THBS3: variants seen among roughly 807,000 people sequenced by gnomAD.
THBS3 encodes the protein thrombospondin 3.
Under a neutral mutation model 118.3 loss-of-function variants are expected in THBS3, and 78 were observed. The observed-to-expected ratio is 0.66, with a 90% CI of 0.55 to 0.80. THBS3 has a LOEUF of 0.80. Among genes scored for constraint, THBS3 ranks in the 30% least tolerant of loss-of-function variants. THBS3 has a pLI of 0.00. For synonymous variants in THBS3, 427 were observed against 475.3 expected (o/e 0.90, Z 1.32); for missense variants, 1,057 against 1,247.4 (o/e 0.85, Z 2.30).
rs1337052564 is a variant in THBS3 at position 155,198,055 on chromosome 1, AC to A, written c.2239del (p.Val747LeufsTer13). 1 of 1,614,084 alleles carries A rather than the reference AC, an allele frequency of 6.2e-7. No individual in the cohort carries two copies. Among genetic ancestry groups the A allele is most frequent in the Non-Finnish European group, 8.5e-7 (1 of 1,180,020 alleles). ...EGDAQIDPNW[V>X]VLNQGMEIVQ... ...GCCCCGAGTTACCTGGTTGAGCACA[AC>A]CCAGTTTGGGTCAATCTGAGCATCA... On this transcript the variant is annotated frameshift_variant, in exon 18 of 23. Coordinates refer to ENST00000368378, the MANE Select transcript of THBS3 (RefSeq NM_007112.5). LOFTEE classifies it high-confidence loss of function.
chr1:155,196,236 G>A, intron 21 of THBS3, 110 bp from the exon 22 acceptor site: 1 of 1,303,258 alleles, frequency 7.7e-7, no homozygotes, highest in Non-Finnish European at 1.1e-6. Context: ...AGCTCACCAG[G>A]CCTGAGAGAG....
chr1:155,200,305 G>A, intron 14 of THBS3, 146 bp downstream of exon 14: 1 of 1,085,516 alleles, frequency 9.2e-7, no homozygotes, highest in South Asian at 1.5e-5. Flanking sequence ...ATTGACATCT[G>A]CTGCAGGTAA....
chr1:155,198,756 G>T, intron 16 of THBS3, 154 bp from the exon 17 acceptor site: 1 of 647,466 alleles, frequency 1.5e-6, no homozygotes. Context: ...AGGAATGGAG[G>T]GATGACTGTA....
chr1:155,195,704 G>C lies in THBS3; in HGVS notation c.*137C>G. ...GAAGGGTGGGGTGACCACCCCTCTG[G>C]GACTGAACTCCTTTTGGGAGCCAGA... On this transcript the variant is annotated 3_prime_UTR_variant, in exon 23 of 23. Transcript: ENST00000368378. The C allele has an allele frequency of 1.1e-6, 1 of 924,730 alleles. No individual in the cohort carries two copies. The highest frequency in any genetic ancestry group is 1.5e-5 in the South Asian group (1 of 65,232). The allele number at this position is 924,730 out of a possible 1,614,324, so 57.3% of individuals were successfully genotyped here.
intron 3 of THBS3, 22 bp downstream of exon 3, chr1:155,205,038 T>A: frequency 6.2e-7 from 1 of 1,612,950 alleles, no homozygotes; most frequent in Non-Finnish European, 8.5e-7. Context: ...TCCACAGAAC[T>A]CAGAGGCTCC....
At chr1:155,208,700 A>T, upstream of THBS3, 1 of 1,209,116 alleles carries the variant, frequency 8.3e-7, no homozygotes, top group Non-Finnish European at 1.1e-6. Flanking sequence ...CCCCCACCCA[A>T]GCCCCAGCCC....
At chr1:155,207,962 A>G, upstream of THBS3, 1 of 992,716 alleles carries the variant, frequency 1.0e-6, no homozygotes, top group South Asian at 1.4e-5. Flanking sequence ...CGGGGGGCGG[A>G]GGGACAGAAT....
upstream of THBS3, chr1:155,208,031 C>T: frequency 1.6e-6 from 1 of 624,074 alleles, no homozygotes; most frequent in Admixed American, 2.9e-5. Context: ...GCCAATCACC[C>T]TGGAGGCATC....
At chr1:155,200,394 C>T (rs572306440) in intron 14 of THBS3, 57 bp downstream of exon 14, 9 of 1,589,364 alleles carry the variant, frequency 5.7e-6, no homozygotes, top group Non-Finnish European at 7.7e-6. Flanking sequence ...GCTTCATCCC[C>T]ACCTGATCCA....
At position 155,206,299 on chromosome 1, in the gene THBS3, G is replaced by A. The variant is rs753048328; in HGVS notation, c.187C>T (p.Arg63Cys). The part of the protein sequence containing the change: ...AGDIYLLSTF[R>C]LPPKQGGVLF... ...ACACCACCCTGCTTGGGGGGCAGGC[G>A]GAAGGTGGATAAGAGGTAGATGTCC... Residue 63 changes from arginine (R) to cysteine (C), a missense_variant, in exon 2 of 23, where the codon CGC becomes TGC. Arg to Cys is a radical substitution (Grantham distance 180). Transcript: ENST00000368378. This position sits in a 1 kb window ranked among gnomAD's most constrained non-coding sequence, Gnocchi z 4.2. The A allele has an allele frequency of 3.9e-5, 63 of 1,614,064 alleles. No homozygotes were observed. The highest frequency in any genetic ancestry group is 6.7e-5 in the East Asian group (3 of 44,902).
chr1:155,199,980 AC>A lies in THBS3; in HGVS notation c.1827+14del. ...GTACCCTCATCCCTCCCCTGTCCTT[AC>A]CATCTCCCTGTACCTGGGTAGGATT... On this transcript the variant is annotated intron_variant, in intron 15 of 22. Transcript: ENST00000368378. The A allele has an allele frequency of 6.2e-7, 1 of 1,600,646 alleles. No homozygotes were observed. Among genetic ancestry groups the A allele is most frequent in the Non-Finnish European group, 8.5e-7 (1 of 1,172,554 alleles).
At chr1:155,196,907 G>T in intron 21 of THBS3, 134 bp downstream of exon 21, 1 of 810,158 alleles carries the variant, frequency 1.2e-6, no homozygotes, top group Non-Finnish European at 2.0e-6. Flanking sequence ...AGGTGCTTGT[G>T]TCCGTGGTGA....
At chr1:155,200,284 C>G in intron 14 of THBS3, 167 bp downstream of exon 14, 1 of 1,010,440 alleles carries the variant, frequency 9.9e-7, no homozygotes, top group South Asian at 1.6e-5. Context: ...TACGCCCTAC[C>G]TCACATTCCT....
At position 155,202,664 on chromosome 1, in the gene THBS3, C is replaced by A; in HGVS notation, c.957+148G>T. On this transcript the variant is annotated intron_variant, in intron 8 of 22. Coordinates refer to ENST00000368378, the MANE Select transcript of THBS3 (RefSeq NM_007112.5). This position sits in a 1 kb window ranked among gnomAD's most constrained non-coding sequence, Gnocchi z 5.5. ...TCAGTCTTTGCCCCAGGCCTTCTGT[C>A]TCTCCCATCTTGCATTTCTCTTGCC... 1 of 1,233,756 alleles carries A rather than the reference C, an allele frequency of 8.1e-7. No individual in the cohort carries two copies. 76.4% of individuals were successfully genotyped at this position (1,233,756 alleles called of 1,614,324 possible). A position where few individuals can be genotyped will look rare whatever the true frequency, so the allele number is the denominator to read the frequency against.
rs1257401797 is a variant in THBS3 at position 155,207,877 on chromosome 1, G to A, written c.-1C>T. ...CCCCCCGAAGTTCCTGCGTCTCCATGCCTCTCAGCCGGCTCACTACCCCTG... is the reference window on the plus strand; with the variant it reads ...CCCCCCGAAGTTCCTGCGTCTCCATACCTCTCAGCCGGCTCACTACCCCTG... On this transcript the variant is annotated 5_prime_UTR_variant, in exon 1 of 23. Coordinates refer to ENST00000368378, the MANE Select transcript of THBS3 (RefSeq NM_007112.5). The A allele has an allele frequency of 6.2e-7, 1 of 1,613,850 alleles. No individual in the cohort carries two copies. Among genetic ancestry groups the A allele is most frequent in the Admixed American group, 1.7e-5 (1 of 60,010 alleles).
intron 4 of THBS3, 82 bp downstream of exon 4, chr1:155,204,773 G>A (rs757019670): frequency 7.9e-7 from 1 of 1,269,834 alleles, no homozygotes; most frequent in South Asian, 1.2e-5. Flanking sequence ...GGGTTTTAAG[G>A]GAGAGGGAGA....
At chr1:155,207,982 G>T (rs1159167908), upstream of THBS3, 2 of 568,836 alleles carry the variant, frequency 3.5e-6, no homozygotes, top group East Asian at 6.4e-5. Flanking sequence ...TTGGAGGGGG[G>T]GCCAGCAGGC....
At chr1:155,196,817 A>G in intron 21 of THBS3, 1 of 564,044 alleles carries the variant, frequency 1.8e-6, no homozygotes, top group East Asian at 2.9e-5. Context: ...GGAGAACTGT[A>G]AAGGGCATCT....
chr1:155,206,734 C>CA lies in THBS3; in HGVS notation c.80-329dup, dbSNP rs1670604664. 6.6e-6 allele frequency among the ~76,000 whole-genome samples: 1 copy of CA among 152,098 alleles called. No homozygotes were observed. The highest frequency in any genetic ancestry group is 1.5e-5 in the Non-Finnish European group (1 of 68,006). Reference sequence around the variant, plus strand: ...GCGGGCACCTGTAATCCCAGCTACTCAGGAGGCTGAGGCAGGAGACTCGCT... The same window carrying CA: ...GCGGGCACCTGTAATCCCAGCTACTCAAGGAGGCTGAGGCAGGAGACTCGCT... On this transcript the variant is annotated intron_variant, in intron 1 of 22. Coordinates refer to ENST00000368378, the MANE Select transcript of THBS3 (RefSeq NM_007112.5). This position sits in a 1 kb window ranked among gnomAD's most constrained non-coding sequence, Gnocchi z 4.2.
Sources: gnomAD v4.1 joint callset for allele counts (sites outside exome capture counted in the v4.1 genomes callset) on GRCh38, gnomAD v4.1.1 for gene constraint, Gnocchi (gnomAD v3.1) non-coding constraint, MANE v1.5 for transcripts, NCBI Gene and HGNC (gene_info 2026-07-23, HGNC 2026-07-21) for gene names.